Variants in CNNM1 observed in about 807,000 individuals in gnomAD.
CNNM1 encodes metal transporter CNNM1.
CNNM1 carries 44 observed loss-of-function variants against 78.8 expected under a neutral mutation model. The ratio of observed to expected loss-of-function variants is 0.56; its 90% CI spans 0.44 to 0.72. The LOEUF is 0.72. Ranked by LOEUF, CNNM1 falls within the 30% of genes least tolerant of loss-of-function variation. The pLI, the probability that CNNM1 is intolerant of heterozygous loss-of-function variation, is 0.00. For missense variants in CNNM1, 1,101 were observed against 1,292.2 expected, an observed-to-expected ratio of 0.85 and a Z score of 2.27; for synonymous variants, 584 against 581.5, an observed-to-expected ratio of 1.00 and a Z score of -0.06.
At chr10:99,372,834 G>A (rs987886185) in intron 6 of CNNM1, among the ~76,000 whole-genome samples, 3 of 152,156 alleles carry the variant, frequency 2.0e-5, no homozygotes, top group Non-Finnish European at 2.9e-5. Flanking sequence ...TTCTCACGGA[G>A]TAAAGGTTCT....
intron 1 of CNNM1, among the ~76,000 whole-genome samples, chr10:99,331,172 T>C (rs148440404): frequency 6.6e-6 from 1 of 152,306 alleles, no homozygotes; most frequent in East Asian, 1.9e-4. Flanking sequence ...CTTTCCTCTC[T>C]ACTTGATTCA....
intron 7 of CNNM1, among the ~76,000 whole-genome samples, chr10:99,377,935 C>A (rs1473982380): frequency 1.2e-4 from 18 of 151,198 alleles, no homozygotes; most frequent in Non-Finnish European, 2.9e-5. Context: ...TAACATTTTC[C>A]CCTTTCCTCT....
intron 1 of CNNM1, among the ~76,000 whole-genome samples, chr10:99,337,155 AAC>A (rs541505141): frequency 4.2e-4 from 64 of 152,348 alleles, no homozygotes; most frequent in African/African-American, 1.5e-3. Flanking sequence ...ATTAAATATA[AAC>A]ACAAGTCTAT....
intron 9 of CNNM1, among the ~76,000 whole-genome samples, chr10:99,388,775 C>T (rs1235948873): frequency 6.6e-6 from 1 of 152,124 alleles, no homozygotes; most frequent in Non-Finnish European, 1.5e-5. Context: ...ATTATTAGGC[C>T]TACCTTACAG....
At chr10:99,362,817 T>A (rs565952326) in intron 4 of CNNM1, among the ~76,000 whole-genome samples, 35 of 152,306 alleles carry the variant, frequency 2.3e-4, no homozygotes, top group African/African-American at 8.2e-4. Flanking sequence ...AATCTCACCA[T>A]CTGTGACTTC....
Position 99,360,974 on chromosome 10 carries a change from A to G in CNNM1, c.1857A>G (p.Thr619=). ...TAGCCACACACCGCTTCATGGCCACAGGTAGGACAAGTCTCCACTCCAGAG... is the reference window on the plus strand; with the variant it reads ...TAGCCACACACCGCTTCATGGCCACGGGTAGGACAAGTCTCCACTCCAGAG... ...LLLATHRFMA[T]EVEPFKSLYL... The change falls in exon 3 of 11, where the codon ACA becomes ACG. Residue 619 remains threonine, a splice_region_variant and synonymous_variant. Coordinates refer to ENST00000356713, the MANE Select transcript of CNNM1 (RefSeq NM_020348.3). 1 of 1,602,070 alleles carries G rather than the reference A, an allele frequency of 6.2e-7. No homozygotes were observed. The highest frequency in any genetic ancestry group is 8.5e-7 in the Non-Finnish European group (1 of 1,171,972).
At chr10:99,331,043 C>T (rs144445331) in intron 1 of CNNM1, 83 bp downstream of exon 1, 57 of 1,366,384 alleles carry the variant, frequency 4.2e-5, no homozygotes, top group Non-Finnish European at 5.6e-5. Context: ...GCTCTAGGTA[C>T]CCAAAGCAAT....
intron 6 of CNNM1, among the ~76,000 whole-genome samples, 173 bp from the exon 7 acceptor site, chr10:99,376,882 C>G (rs2031978863): frequency 6.6e-6 from 1 of 152,132 alleles, no homozygotes; most frequent in South Asian, 2.1e-4. Context: ...TCCCCGGGCT[C>G]TGATGGGAAG....
intron 1 of CNNM1, among the ~76,000 whole-genome samples, chr10:99,340,748 C>CTTCT (rs199748220): frequency 2.1e-5 from 3 of 142,300 alleles, no homozygotes; most frequent in Non-Finnish European, 4.6e-5. Flanking sequence ...CTCCCTCTCT[C>CTTCT]TTCTTTCTTT....
intron 2 of CNNM1, among the ~76,000 whole-genome samples, chr10:99,360,364 C>A (rs189936877): frequency 1.2e-4 from 18 of 152,260 alleles, no homozygotes; most frequent in African/African-American, 3.9e-4. Context: ...TGGGCCCCTG[C>A]AACCCTCTTG....
In CNNM1 at chr10:99,393,657, GGGGAA is replaced by G. The variant is rs1379689994; in HGVS notation, c.*2144_*2148del. On this transcript the variant is annotated 3_prime_UTR_variant, in exon 11 of 11. Transcript: ENST00000356713. ...TCTTTTCAAATGTCCATCAATTGAT[GGGGAA>G]GGCTGGCACCCACCAAGAAGTGGAA... is the stretch of plus-strand genomic sequence containing the variant. 2 of 152,218 alleles carry G rather than the reference GGGGAA, an allele frequency of 1.3e-5. No individual in the cohort carries two copies. Among genetic ancestry groups the G allele is most frequent in the African/African-American group, 2.4e-5 (1 of 41,332 alleles). 9.4% of individuals were successfully genotyped at this position (152,218 alleles called of 1,614,324 possible).
At chr10:99,379,460 G>T (rs916292319) in intron 7 of CNNM1, among the ~76,000 whole-genome samples, 12 of 152,098 alleles carry the variant, frequency 7.9e-5, no homozygotes, top group African/African-American at 2.9e-4. Context: ...GAAAGGGGAG[G>T]GGGTGAATGT....
intron 1 of CNNM1, among the ~76,000 whole-genome samples, chr10:99,348,271 C>T (rs2030796042): frequency 6.6e-6 from 1 of 152,076 alleles, no homozygotes; most frequent in Admixed American, 6.5e-5. Flanking sequence ...GTCACAAACC[C>T]CTGGGCCCAA....
chr10:99,384,947 T>A (rs769662376), intron 7 of CNNM1, among the ~76,000 whole-genome samples: 6 of 151,586 alleles, frequency 4.0e-5, no homozygotes, highest in Non-Finnish European at 8.8e-5. Context: ...TGTGCACCTA[T>A]AGTCCCATCT....
intron 1 of CNNM1, among the ~76,000 whole-genome samples, chr10:99,356,609 G>A (rs200563940): frequency 3.4e-4 from 45 of 132,606 alleles, no homozygotes; most frequent in East Asian, 4.7e-4. Context: ...AGAAAGAAAA[G>A]AAAGAAAGAA....
At chr10:99,364,892 A>C (rs1420691382) in intron 5 of CNNM1, 63 bp from the exon 6 acceptor site, 8 of 1,500,554 alleles carry the variant, frequency 5.3e-6, no homozygotes, top group African/African-American at 1.4e-5. Flanking sequence ...AAGAGGGAAG[A>C]TTCCCATAAG....
At chr10:99,358,456 C>T (rs1188136481) in intron 2 of CNNM1, among the ~76,000 whole-genome samples, 1 of 152,198 alleles carries the variant, frequency 6.6e-6, no homozygotes, top group Non-Finnish European at 1.5e-5. Context: ...CATGGAATAG[C>T]CATCCTTTTC....
chr10:99,390,840 A>G (rs1274994316), intron 10 of CNNM1, among the ~76,000 whole-genome samples: 2 of 152,220 alleles, frequency 1.3e-5, no homozygotes, highest in African/African-American at 4.8e-5. Context: ...ATAGAAAGAG[A>G]GCAATCTCCT....
intron 7 of CNNM1, among the ~76,000 whole-genome samples, chr10:99,380,410 A>G (rs1310830055): frequency 6.6e-6 from 1 of 152,202 alleles, no homozygotes; most frequent in Non-Finnish European, 1.5e-5. Flanking sequence ...CAGATTGGAC[A>G]GTACTTTCAG....
Sources: allele counts gnomAD v4.1 joint callset (sites outside exome capture counted in the v4.1 genomes callset), GRCh38; gene constraint gnomAD v4.1.1; transcripts MANE v1.5; gene names NCBI Gene and HGNC (gene_info 2026-07-23, HGNC 2026-07-21).